LINGO2: variants seen among roughly 807,000 people sequenced by gnomAD.
The protein encoded by LINGO2 is leucine-rich repeat and immunoglobulin-like domain-containing nogo receptor-interacting protein 2.
Under a neutral mutation model 30.6 loss-of-function variants are expected in LINGO2, and 14 were observed. That is an observed-to-expected ratio of 0.46 (90% CI 0.30 to 0.72). The LOEUF is 0.72. LINGO2 is among the 30% of genes least tolerant of loss of function. The pLI, the probability that LINGO2 is intolerant of heterozygous loss-of-function variation, is 0.07. For missense variants in LINGO2, 729 were observed against 751.7 expected, an observed-to-expected ratio of 0.97 and a Z score of 0.35; for synonymous variants, 317 against 288.5, an observed-to-expected ratio of 1.10 and a Z score of -1.00.
chr9:28,861,251 C>T, the LINGO2 span, among the ~76,000 whole-genome samples: 90 of 104,276 alleles, frequency 8.6e-4, no homozygotes, highest in African/African-American at 2.9e-3. Flanking sequence ...ATTTTTTATA[C>T]AATATTATAT....
At chr9:28,991,794 A>C in the LINGO2 span, among the ~76,000 whole-genome samples, 120 of 148,132 alleles carry the variant, frequency 8.1e-4, 2 homozygotes, top group South Asian at 0.019. Flanking sequence ...GAAATAAAAT[A>C]CTTTACAGAC....
chr9:28,411,209 C>T (rs1822747418), intron 2 of LINGO2, among the ~76,000 whole-genome samples: 1 of 151,892 alleles, frequency 6.6e-6, no homozygotes, highest in Admixed American at 6.6e-5. Flanking sequence ...ATTTAAAAAC[C>T]AGGCAACTCC....
At chr9:28,227,424 T>G (rs1327783090) in intron 4 of LINGO2, among the ~76,000 whole-genome samples, 1 of 152,112 alleles carries the variant, frequency 6.6e-6, no homozygotes, top group African/African-American at 2.4e-5. Context: ...CCAGCTATAA[T>G]TTATGTCTCA....
chr9:28,880,994 T>C, the LINGO2 span, among the ~76,000 whole-genome samples: 17 of 152,194 alleles, frequency 1.1e-4, no homozygotes, highest in South Asian at 6.2e-4. Flanking sequence ...ATCACCCTGC[T>C]CTCCGACTAC....
chr9:28,492,867 G>A (rs1386580781), intron 1 of LINGO2, among the ~76,000 whole-genome samples: 1 of 152,126 alleles, frequency 6.6e-6, no homozygotes, highest in Non-Finnish European at 1.5e-5. Flanking sequence ...ACGGTGAGGG[G>A]AGCGGGCGGG....
At position 27,998,199 on chromosome 9, in the gene LINGO2, A is replaced by C. The variant is rs139324213; in HGVS notation, c.-36+14156T>G. ...AACAGAATGTAGAGAAATGGAGAATATGGAGAAAGTGGTGCTGTGTGACTC... is the reference window on the plus strand; with the variant it reads ...AACAGAATGTAGAGAAATGGAGAATCTGGAGAAAGTGGTGCTGTGTGACTC... On this transcript the variant is annotated intron_variant, in intron 5 of 5. Transcript: ENST00000379992. Among the ~76,000 whole-genome samples the C allele has an allele frequency of 5.2e-3, 789 of 152,248 alleles. 11 individuals carry two copies. The highest frequency in any genetic ancestry group is 0.018 in the African/African-American group (754 of 41,560).
intron 5 of LINGO2, among the ~76,000 whole-genome samples, chr9:27,964,324 C>T (rs912557195): frequency 6.6e-6 from 1 of 152,046 alleles, no homozygotes; most frequent in Non-Finnish European, 1.5e-5. Flanking sequence ...GACAGTTACT[C>T]ACTATTGTAA....
chr9:28,774,663 A>G, the LINGO2 span, among the ~76,000 whole-genome samples: 1 of 152,192 alleles, frequency 6.6e-6, no homozygotes, highest in Non-Finnish European at 1.5e-5. Flanking sequence ...AGATACAGTG[A>G]CTGCACTTCT....
At chr9:28,595,342 G>A (rs1825125102) in intron 1 of LINGO2, among the ~76,000 whole-genome samples, 1 of 151,910 alleles carries the variant, frequency 6.6e-6, no homozygotes, top group Admixed American at 6.6e-5. Flanking sequence ...TTTCCATCTA[G>A]TACCTATCTT....
the LINGO2 span, among the ~76,000 whole-genome samples, chr9:29,109,664 TTGG>T: frequency 6.6e-6 from 1 of 152,228 alleles, no homozygotes; most frequent in Admixed American, 6.5e-5. Context: ...GTCAGTGAGC[TTGG>T]TGAATGAGCC....
the LINGO2 span, among the ~76,000 whole-genome samples, chr9:28,851,202 G>A: frequency 1.3e-5 from 2 of 151,960 alleles, no homozygotes; most frequent in Admixed American, 6.6e-5. Context: ...ATTATCATTG[G>A]GCTAAAATCA....
At chr9:28,588,801 G>T (rs1001306596) in intron 1 of LINGO2, among the ~76,000 whole-genome samples, 1 of 151,978 alleles carries the variant, frequency 6.6e-6, no homozygotes, top group African/African-American at 2.4e-5. Context: ...TACTAGTCAG[G>T]CCATGCAGCA....
At chr9:28,030,021 C>G (rs1239897002) in intron 4 of LINGO2, among the ~76,000 whole-genome samples, 2 of 152,028 alleles carry the variant, frequency 1.3e-5, no homozygotes, top group African/African-American at 2.4e-5. Context: ...TGTAAGGCCA[C>G]CAGATATCAG....
chr9:28,956,608 TTCCCTCCCACCCTCCC>T, the LINGO2 span, among the ~76,000 whole-genome samples: 2 of 67,326 alleles, frequency 3.0e-5, no homozygotes, highest in African/African-American at 5.8e-5. Flanking sequence ...CCTCCCTTCT[TTCCCTCCCACCCTCCC>T]TCCCTCCCCC....
chr9:28,071,414 C>T (rs909290590), intron 4 of LINGO2, among the ~76,000 whole-genome samples: 2 of 151,882 alleles, frequency 1.3e-5, no homozygotes, highest in African/African-American at 4.8e-5. Context: ...CTGTTGGTAC[C>T]TTTTCAATCA....
At chr9:28,200,835 C>A (rs1820203930) in intron 4 of LINGO2, among the ~76,000 whole-genome samples, 2 of 152,088 alleles carry the variant, frequency 1.3e-5, no homozygotes, top group Admixed American at 1.3e-4. Flanking sequence ...AAAGGCCATG[C>A]AAAATGACTT....
intron 4 of LINGO2, among the ~76,000 whole-genome samples, chr9:28,230,592 A>T (rs1821322344): frequency 6.7e-6 from 1 of 149,076 alleles, no homozygotes; most frequent in South Asian, 2.1e-4. Context: ...GTCTTGCTCT[A>T]TCACCAAGTC....
At chr9:28,204,209 T>G (rs1406330562) in intron 4 of LINGO2, among the ~76,000 whole-genome samples, 4 of 152,286 alleles carry the variant, frequency 2.6e-5, no homozygotes, top group African/African-American at 7.2e-5. Flanking sequence ...TGTATCTACT[T>G]GTCTTTATAG....
intron 4 of LINGO2, among the ~76,000 whole-genome samples, chr9:28,216,976 G>A (rs1194883453): frequency 6.6e-6 from 1 of 151,568 alleles, no homozygotes; most frequent in African/African-American, 2.4e-5. Flanking sequence ...AAACTAAACA[G>A]AAAATGGCAT....
Sources: gnomAD v4.1 joint callset for allele counts (sites outside exome capture counted in the v4.1 genomes callset) on GRCh38, gnomAD v4.1.1 for gene constraint, MANE v1.5 for transcripts, NCBI Gene and HGNC (gene_info 2026-07-23, HGNC 2026-07-21) for gene names.